PCDHAC1: variants seen among roughly 807,000 people sequenced by gnomAD.
PCDHAC1 encodes protocadherin alpha-C1.
In PCDHAC1, 42 loss-of-function variants were observed where a neutral mutation model predicts 60.0. The observed-to-expected ratio is 0.70, with a 90% CI of 0.55 to 0.90. The LOEUF is 0.90. Ranked by LOEUF, PCDHAC1 falls within the 40% of genes least tolerant of loss-of-function variation. The probability of loss-of-function intolerance (pLI) is 0.00; values close to 1 mark genes in which losing one functional copy is unlikely to be tolerated. For missense variants in PCDHAC1, 1,160 were observed against 1,222.3 expected (o/e 0.95, Z 0.76); for synonymous variants, 468 against 499.3 (o/e 0.94, Z 0.84).
chr5:140,958,422 C>A (rs1436234763), intron 1 of PCDHAC1, among the ~76,000 whole-genome samples: 1 of 152,120 alleles, frequency 6.6e-6, no homozygotes, highest in African/African-American at 2.4e-5. Context: ...TGGAAAGAAG[C>A]ACTTTTTATA....
At chr5:140,933,592 G>T (rs1034374854) in intron 1 of PCDHAC1, among the ~76,000 whole-genome samples, 2 of 151,986 alleles carry the variant, frequency 1.3e-5, no homozygotes, top group Non-Finnish European at 2.9e-5. Context: ...TTTTTAGGTT[G>T]ATTTGTCTTT....
intron 1 of PCDHAC1, chr5:140,969,203 G>T (rs781962982): frequency 8.1e-6 from 13 of 1,614,178 alleles, no homozygotes; most frequent in Non-Finnish European, 1.1e-5. Flanking sequence ...CAATACAGGG[G>T]CCCAGACAGG....
At chr5:140,989,527 G>A (rs1172019994) in intron 3 of PCDHAC1, among the ~76,000 whole-genome samples, 1 of 152,192 alleles carries the variant, frequency 6.6e-6, no homozygotes, top group Non-Finnish European at 1.5e-5. Flanking sequence ...GGGCAGAGGA[G>A]GAAGATAGTT....
Position 140,927,596 on chromosome 5 carries a change from G to C in PCDHAC1, c.704G>C (p.Arg235Pro). The stretch of plus-strand genomic sequence containing the variant: ...AATGACAACGCGCCTGTATTTGAGC[G>C]CTCCGTATACCGCACCAAGGTTCCA... ...DTNDNAPVFE[R>P]SVYRTKVPET... Residue 235 changes from arginine to proline, a missense_variant, in exon 1 of 4, where the codon CGC becomes CCC. Coordinates refer to ENST00000253807, the MANE Select transcript of PCDHAC1 (RefSeq NM_018898.5). 1.9e-6 allele frequency: 3 copies of C among 1,614,162 alleles called. No homozygotes were observed. Among genetic ancestry groups the C allele is most frequent in the Non-Finnish European group, 2.5e-6 (3 of 1,180,024 alleles).
chr5:140,945,346 A>C (rs2093775452), intron 1 of PCDHAC1, among the ~76,000 whole-genome samples: 1 of 152,132 alleles, frequency 6.6e-6, no homozygotes, highest in South Asian at 2.1e-4. Context: ...AGCTTGGAAA[A>C]ATTAATACTG....
Position 140,998,902 on chromosome 5 carries a change from C to T in PCDHAC1, c.2582-10725C>T, listed in dbSNP as rs148715237. On this transcript the variant is annotated intron_variant, in intron 3 of 3. Coordinates refer to ENST00000253807, the MANE Select transcript of PCDHAC1 (RefSeq NM_018898.5). ...TTAGTTGAATAAATAACAATGCCTC[C>T]GGGAGGTAGCTATTATATCCATTTT... Among the ~76,000 whole-genome samples the T allele has an allele frequency of 4.2e-3, 632 of 152,216 alleles. 5 individuals are homozygous for T. Among genetic ancestry groups the T allele is most frequent in the African/African-American group, 0.014 (572 of 41,540 alleles).
intron 1 of PCDHAC1, among the ~76,000 whole-genome samples, chr5:140,935,656 CTTTTA>C (rs1300447387): frequency 6.6e-6 from 1 of 151,868 alleles, no homozygotes; most frequent in African/African-American, 2.4e-5. Context: ...TTTTAATTTT[CTTTTA>C]TAATTATGTG....
chr5:140,958,419 A>C (rs1275772647), intron 1 of PCDHAC1, among the ~76,000 whole-genome samples: 1 of 152,196 alleles, frequency 6.6e-6, no homozygotes, highest in Non-Finnish European at 1.5e-5. Flanking sequence ...GCTTGGAAAG[A>C]AGCACTTTTT....
At chr5:141,005,944 C>T (rs1563696119) in intron 3 of PCDHAC1, among the ~76,000 whole-genome samples, 1 of 151,862 alleles carries the variant, frequency 6.6e-6, no homozygotes, top group African/African-American at 2.4e-5. Context: ...GAGAACCTAT[C>T]TCTAACAAAC....
chr5:140,964,167 C>G (rs370784169), intron 1 of PCDHAC1, among the ~76,000 whole-genome samples: 1 of 152,134 alleles, frequency 6.6e-6, no homozygotes, highest in Non-Finnish European at 1.5e-5. Flanking sequence ...GTGTGAGGAA[C>G]GAAATCATTA....
chr5:141,004,148 C>T (rs971282591), intron 3 of PCDHAC1, among the ~76,000 whole-genome samples: 1 of 152,222 alleles, frequency 6.6e-6, no homozygotes, highest in African/African-American at 2.4e-5. Context: ...AAAGGCATGA[C>T]ATTTTATAGG....
In PCDHAC1 at chr5:140,928,891, T is replaced by A. The variant is rs1299939193; in HGVS notation, c.1999T>A (p.Phe667Ile). Residue 667 changes from phenylalanine (F) to isoleucine (I), a missense_variant, in exon 1 of 4, where the codon TTT becomes ATT. Around this residue, in one of 3 missense-constraint regions of PCDHAC1, gnomAD observed 1,113 missense variants for 1,163.7 expected, o/e 0.96. Coordinates refer to ENST00000253807, the MANE Select transcript of PCDHAC1 (RefSeq NM_018898.5). ...CTCTGTCCCTCAGTTACTTCCAGAC[T>A]TTGAAGATGTCTGGGAACCAGGAGG... The part of the protein sequence containing the change: ...SNSVPQLLPD[F>I]EDVWEPGGQL... 1.2e-6 allele frequency: 2 copies of A among 1,614,066 alleles called. No individual in the cohort carries two copies. The highest frequency in any genetic ancestry group is 2.7e-5 in the African/African-American group (2 of 74,942).
At chr5:140,984,980 C>T (rs1206801991) in intron 3 of PCDHAC1, among the ~76,000 whole-genome samples, 1 of 152,092 alleles carries the variant, frequency 6.6e-6, no homozygotes, top group African/African-American at 2.4e-5. Context: ...CTCTGTCCCC[C>T]AGGCTGGAGT....
intron 3 of PCDHAC1, among the ~76,000 whole-genome samples, chr5:140,991,053 A>G (rs2097429648): frequency 6.6e-6 from 1 of 152,220 alleles, no homozygotes; most frequent in Non-Finnish European, 1.5e-5. Context: ...TGAGAGAAGT[A>G]CATTATTATT....
chr5:140,943,321 G>A (rs1012061757), intron 1 of PCDHAC1, among the ~76,000 whole-genome samples: 4 of 150,454 alleles, frequency 2.7e-5, no homozygotes, highest in Non-Finnish European at 5.9e-5. Context: ...TAGCAATATT[G>A]TGTAGTATCC....
At chr5:140,958,294 A>G (rs1324756311) in intron 1 of PCDHAC1, among the ~76,000 whole-genome samples, 1 of 152,142 alleles carries the variant, frequency 6.6e-6, no homozygotes, top group African/African-American at 2.4e-5. Context: ...ATATTATTGA[A>G]CTTAATTAAA....
chr5:140,982,604 A>G, intron 3 of PCDHAC1, 41 bp downstream of exon 3: 1 of 1,607,164 alleles, frequency 6.2e-7, no homozygotes, highest in Non-Finnish European at 8.5e-7. Context: ...TGGTTTCTGG[A>G]AAGTGATCAG....
In PCDHAC1 at chr5:141,010,018, T is replaced by G. The variant is rs1257083450; in HGVS notation, c.*81T>G. On this transcript the variant is annotated 3_prime_UTR_variant, in exon 4 of 4. Coordinates refer to ENST00000253807, the MANE Select transcript of PCDHAC1 (RefSeq NM_018898.5). ...TCCCATGTAGCAATTCCCTGCTCCTTTTTCCTATCTACATGAGCCCTCTTA... is the reference window on the plus strand; with the variant it reads ...TCCCATGTAGCAATTCCCTGCTCCTGTTTCCTATCTACATGAGCCCTCTTA... 2.5e-5 allele frequency: 40 copies of G among 1,571,834 alleles called. No homozygotes were observed. Among genetic ancestry groups the G allele is most frequent in the Non-Finnish European group, 3.4e-5 (39 of 1,163,118 alleles).
intron 1 of PCDHAC1, among the ~76,000 whole-genome samples, chr5:140,945,772 T>A (rs538344111): frequency 1.2e-4 from 18 of 152,228 alleles, no homozygotes; most frequent in African/African-American, 4.1e-4. Context: ...GACAATTTGA[T>A]ATCCAGATGC....
Sources: allele counts gnomAD v4.1 joint callset (sites outside exome capture counted in the v4.1 genomes callset), GRCh38; gene constraint gnomAD v4.1.1; regional missense constraint gnomAD v4.1.1; transcripts MANE v1.5; gene names NCBI Gene and HGNC (gene_info 2026-07-23, HGNC 2026-07-21).